Variants in C12orf56 observed in about 807,000 individuals in gnomAD.
The protein encoded by C12orf56 is uncharacterized protein C12orf56.
C12orf56 carries 71 observed loss-of-function variants against 69.9 expected under a neutral mutation model. The observed-to-expected ratio is 1.02, with a 90% CI of 0.84 to 1.24. The LOEUF is 1.24. Among genes scored for constraint, C12orf56 ranks in the 50% most tolerant of loss-of-function variants. The pLI is 0.00. For missense variants in C12orf56, 732 were observed against 738.5 expected (o/e 0.99, Z 0.10); for synonymous variants, 276 against 274.1 (o/e 1.01, Z -0.07).
chr12:64,322,488 T>G (rs1385287302), intron 3 of C12orf56, among the ~76,000 whole-genome samples: 5 of 152,162 alleles, frequency 3.3e-5, no homozygotes, highest in Non-Finnish European at 7.3e-5. Flanking sequence ...GGGTTCATAC[T>G]TACTTCTTAG....
At chr12:64,335,809 C>T (rs2038989285) in intron 2 of C12orf56, among the ~76,000 whole-genome samples, 2 of 152,142 alleles carry the variant, frequency 1.3e-5, no homozygotes, top group South Asian at 4.1e-4. Context: ...CAATATTGAG[C>T]TTGCTTTGTT....
chr12:64,338,488 C>T (rs1217863184), intron 2 of C12orf56: 4 of 947,286 alleles, frequency 4.2e-6, no homozygotes, highest in Non-Finnish European at 7.0e-6. Flanking sequence ...AACAAACAAT[C>T]ATTCAGGGCT....
chr12:64,269,114 T>A (rs1204050135), intron 12 of C12orf56, among the ~76,000 whole-genome samples: 2 of 144,796 alleles, frequency 1.4e-5, no homozygotes, highest in East Asian at 4.1e-4. Flanking sequence ...CACTCCAGCC[T>A]AGGTGGCAGA....
chr12:64,308,944 AAAGAAAG>A lies in C12orf56; in HGVS notation c.968+3728_968+3734del, dbSNP rs1565748991. ...AGAAAGAAAGAAAGAAAGAAAGAAG[AAAGAAAG>A]AAAGAAAGAAAGAAAGAAAGAAAAG... On this transcript the variant is annotated intron_variant, in intron 5 of 12. Transcript: ENST00000543942. Among the ~76,000 whole-genome samples, 28 of 46,708 alleles carry A rather than the reference AAAGAAAG, an allele frequency of 6.0e-4. No homozygotes were observed. The South Asian group carries it at 7.8e-3, about 13-fold the overall frequency. The allele number at this position is 46,708 out of a possible 152,430, so 30.6% of individuals were successfully genotyped here.
At chr12:64,377,562 T>A (rs530008401) in intron 1 of C12orf56, among the ~76,000 whole-genome samples, 1 of 152,188 alleles carries the variant, frequency 6.6e-6, no homozygotes, top group Non-Finnish European at 1.5e-5. Context: ...TGCAAAGGAG[T>A]ACCTCTTATT....
intron 8 of C12orf56, among the ~76,000 whole-genome samples, chr12:64,282,792 A>C (rs1369770576): frequency 6.6e-6 from 1 of 151,532 alleles, no homozygotes; most frequent in Non-Finnish European, 1.5e-5. Flanking sequence ...AAAGAAAAAA[A>C]GCATAGTATG....
chr12:64,321,939 A>C (rs183609731), intron 3 of C12orf56, among the ~76,000 whole-genome samples: 1 of 151,390 alleles, frequency 6.6e-6, no homozygotes, highest in Admixed American at 6.6e-5. Context: ...AAATTTGGAG[A>C]ATTTTCTGTC....
At chr12:64,375,500 C>T (rs2039627798) in intron 1 of C12orf56, among the ~76,000 whole-genome samples, 1 of 152,096 alleles carries the variant, frequency 6.6e-6, no homozygotes, top group African/African-American at 2.4e-5. Context: ...TGCATTTGAC[C>T]CAGGAACTGC....
At position 64,356,189 on chromosome 12, in the gene C12orf56, A is replaced by AC. The variant is rs1416900959; in HGVS notation, c.253-3134_253-3133insG. ...CCATCTCAAAAAAAAAAAAAAAAAA[A>AC]AAAAAAAAAACCATACATTTAAGCT... On this transcript the variant is annotated intron_variant, in intron 1 of 12. Coordinates refer to ENST00000543942, the MANE Select transcript of C12orf56 (RefSeq NM_001170633.2). 9.0e-4 allele frequency among the ~76,000 whole-genome samples: 136 copies of AC among 150,676 alleles called. 2 individuals are homozygous for AC. The highest frequency in any genetic ancestry group is 3.2e-3 in the African/African-American group (127 of 40,242).
chr12:64,273,527 C>T (rs1286522870), intron 11 of C12orf56, among the ~76,000 whole-genome samples: 1 of 152,206 alleles, frequency 6.6e-6, no homozygotes, highest in Non-Finnish European at 1.5e-5. Flanking sequence ...AGCTTCTACC[C>T]TCACGGCACT....
chr12:64,332,567 G>A (rs1422610937), intron 2 of C12orf56, among the ~76,000 whole-genome samples: 1 of 152,142 alleles, frequency 6.6e-6, no homozygotes, highest in East Asian at 1.9e-4. Flanking sequence ...TCTTTGGAGT[G>A]CTGCGGGCAT....
chr12:64,381,526 C>T (rs1335847922), intron 1 of C12orf56, among the ~76,000 whole-genome samples: 1 of 152,178 alleles, frequency 6.6e-6, no homozygotes, highest in Non-Finnish European at 1.5e-5. Flanking sequence ...AAACTATAAA[C>T]TATAAACTAA....
Position 64,286,017 on chromosome 12 carries a change from T to C in C12orf56, c.1157A>G (p.Tyr386Cys). 6.2e-7 allele frequency: 1 copy of C among 1,611,344 alleles called. No individual in the cohort carries two copies. Among genetic ancestry groups the C allele is most frequent in the East Asian group, 2.2e-5 (1 of 44,842 alleles). Residue 386 changes from tyrosine to cysteine, a missense_variant, in exon 7 of 13, where the codon TAC (tyrosine) becomes TGC (cysteine). Tyr to Cys is a radical substitution (Grantham distance 194, BLOSUM62 -2). Transcript: ENST00000543942. ...ATTCTTATCCCTAGACTCCGGCAAG[T>C]ACTCATGAAGTTTGTTTACTATGAA... Reference protein sequence around the residue: ...FYFIVNKLHEYLPESRDKNAL... With the variant: ...FYFIVNKLHECLPESRDKNAL...
intron 7 of C12orf56, among the ~76,000 whole-genome samples, chr12:64,285,016 C>G (rs2038180974): frequency 1.3e-5 from 2 of 151,840 alleles, no homozygotes; most frequent in Admixed American, 1.3e-4. Context: ...TTTGGGAGGC[C>G]CAGGTGGGCG....
At chr12:64,344,015 A>G (rs2039109131) in intron 2 of C12orf56, among the ~76,000 whole-genome samples, 1 of 152,166 alleles carries the variant, frequency 6.6e-6, no homozygotes, top group Admixed American at 6.5e-5. Context: ...CTAAAACTCC[A>G]TTAATTACCT....
At chr12:64,361,177 C>T (rs2039395497) in intron 1 of C12orf56, among the ~76,000 whole-genome samples, 1 of 152,102 alleles carries the variant, frequency 6.6e-6, no homozygotes, top group African/African-American at 2.4e-5. Context: ...TGAGATTGCG[C>T]CACTGCACTC....
intron 1 of C12orf56, among the ~76,000 whole-genome samples, chr12:64,363,600 C>T (rs1001846572): frequency 3.9e-5 from 6 of 152,148 alleles, no homozygotes; most frequent in Non-Finnish European, 7.3e-5. Flanking sequence ...GGAACCAGCA[C>T]CTACTATGTT....
At chr12:64,338,350 G>A (rs2039024314) in intron 2 of C12orf56, 1 of 618,392 alleles carries the variant, frequency 1.6e-6, no homozygotes, top group South Asian at 1.4e-5. Context: ...CATAGCTGGT[G>A]GAGTTGAGAT....
intron 1 of C12orf56, among the ~76,000 whole-genome samples, chr12:64,383,927 A>G (rs1346588511): frequency 6.6e-6 from 1 of 152,238 alleles, no homozygotes; most frequent in Non-Finnish European, 1.5e-5. Flanking sequence ...AACTGCTGTA[A>G]TAGACATAGG....
Sources: gnomAD v4.1 joint callset for allele counts (sites outside exome capture counted in the v4.1 genomes callset) on GRCh38, gnomAD v4.1.1 for gene constraint, MANE v1.5 for transcripts, NCBI Gene and HGNC (gene_info 2026-07-23, HGNC 2026-07-21) for gene names.